Variants in PLXNA4 observed in about 807,000 individuals in gnomAD.
The protein encoded by PLXNA4 is plexin-A4.
In PLXNA4, 44 loss-of-function variants were observed where a neutral mutation model predicts 191.8. The ratio of observed to expected loss-of-function variants is 0.23; its 90% confidence interval spans 0.18 to 0.29. The LOEUF (loss-of-function observed/expected upper bound fraction) is 0.29. Among genes scored for constraint, PLXNA4 ranks in the 10% least tolerant of loss-of-function variants. The probability of loss-of-function intolerance (pLI) is 1.00; values close to 1 mark genes in which losing one functional copy is unlikely to be tolerated. For synonymous variants in PLXNA4, 1,082 were observed against 1,009.5 expected, an observed-to-expected ratio of 1.07 and a Z score of -1.36; for missense variants, 1,800 against 2,488.8, an observed-to-expected ratio of 0.72 and a Z score of 5.89.
chr7:132,630,939 A>T (rs1803480562), intron 2 of PLXNA4, among the ~76,000 whole-genome samples: 1 of 152,092 alleles, frequency 6.6e-6, no homozygotes, highest in African/African-American at 2.4e-5. Flanking sequence ...CTTTATTATG[A>T]CTCTCCCTAA....
chr7:132,400,152 T>C (rs1793928351), intron 3 of PLXNA4, among the ~76,000 whole-genome samples: 1 of 152,170 alleles, frequency 6.6e-6, no homozygotes, highest in Non-Finnish European at 1.5e-5. Flanking sequence ...TCTGTGTATT[T>C]GTTACCTTTG....
chr7:132,233,817 T>G (rs761273626), intron 5 of PLXNA4, among the ~76,000 whole-genome samples: 3 of 152,222 alleles, frequency 2.0e-5, no homozygotes, highest in Non-Finnish European at 4.4e-5. Flanking sequence ...CCTGACTGGA[T>G]TCTGACCTTG....
rs184874530 is a variant in PLXNA4 at position 132,423,330 on chromosome 7, G to C, written c.1371+65962C>G. On this transcript the variant is annotated intron_variant, in intron 3 of 31. Coordinates refer to ENST00000321063, the MANE Select transcript of PLXNA4 (RefSeq NM_020911.2). The stretch of plus-strand genomic sequence containing the variant: ...AACCTGCCAAAGCTTACGTAGTGAA[G>C]GGACGCTCCCAAGTCCACTCAGCTG... 3.8e-4 allele frequency among the ~76,000 whole-genome samples: 58 copies of C among 152,324 alleles called. No homozygotes were observed. In the East Asian group the frequency reaches 0.011, roughly 29 times the overall value.
At chr7:132,251,823 G>C (rs1338165659) in intron 4 of PLXNA4, among the ~76,000 whole-genome samples, 1 of 152,174 alleles carries the variant, frequency 6.6e-6, no homozygotes, top group East Asian at 1.9e-4. Context: ...ATCTTTCCTC[G>C]CAGGCAACCA....
chr7:132,444,725 G>A (rs757176232), intron 3 of PLXNA4, among the ~76,000 whole-genome samples: 36 of 152,096 alleles, frequency 2.4e-4, no homozygotes, highest in Non-Finnish European at 4.0e-4. Flanking sequence ...GCCAACCTGT[G>A]GGTGTGCAAC....
chr7:132,262,516 A>C (rs1799684459), intron 4 of PLXNA4, among the ~76,000 whole-genome samples: 1 of 152,114 alleles, frequency 6.6e-6, no homozygotes, highest in Non-Finnish European at 1.5e-5. Flanking sequence ...AGGTGGTCCC[A>C]TGGCTGCAGG....
chr7:132,444,389 G>T (rs778071242), intron 3 of PLXNA4, among the ~76,000 whole-genome samples: 13 of 152,196 alleles, frequency 8.5e-5, no homozygotes, highest in Admixed American at 2.0e-4. Flanking sequence ...CGAGTAGCTG[G>T]GATGACAGGC....
rs936445895 is a variant in PLXNA4 at position 132,133,207 on chromosome 7, G to T, written c.5439-8C>A. ...CCTATGTCTGAGTAATACCTGTGGA[G>T]GGATGGAAATAGGGAGAAGCTGAAG... On this transcript the variant is annotated splice_region_variant and splice_polypyrimidine_tract_variant and intron_variant, in intron 30 of 31. Coordinates refer to ENST00000321063, the MANE Select transcript of PLXNA4 (RefSeq NM_020911.2). The T allele has an allele frequency of 2.5e-6, 4 of 1,613,736 alleles. No individual in the cohort carries two copies. The highest frequency in any genetic ancestry group is 2.5e-6 in the Non-Finnish European group (3 of 1,179,902).
At chr7:132,538,398 C>T (rs898039574) in intron 1 of PLXNA4, among the ~76,000 whole-genome samples, 3 of 152,200 alleles carry the variant, frequency 2.0e-5, no homozygotes, top group African/African-American at 7.2e-5. Flanking sequence ...TGCTTCCAGG[C>T]AAGGTGAATG....
At chr7:132,525,772 C>T (rs1799376692) in intron 1 of PLXNA4, among the ~76,000 whole-genome samples, 1 of 152,154 alleles carries the variant, frequency 6.6e-6, no homozygotes, top group Admixed American at 6.5e-5. Flanking sequence ...CCAGTCCCTC[C>T]CAAGGCTCTG....
At chr7:132,294,636 G>A (rs971046080) in intron 4 of PLXNA4, among the ~76,000 whole-genome samples, 3 of 152,148 alleles carry the variant, frequency 2.0e-5, no homozygotes, top group African/African-American at 7.2e-5. Context: ...GAAGTGGTGG[G>A]AAATAGCCAT....
At chr7:132,341,402 A>G (rs561066196) in intron 3 of PLXNA4, among the ~76,000 whole-genome samples, 1 of 152,218 alleles carries the variant, frequency 6.6e-6, no homozygotes, top group Non-Finnish European at 1.5e-5. Flanking sequence ...GAAGCATTCA[A>G]TTTCAGAGAT....
At chr7:132,204,930 A>G (rs960864551) in intron 10 of PLXNA4, among the ~76,000 whole-genome samples, 21 of 152,290 alleles carry the variant, frequency 1.4e-4, no homozygotes, top group African/African-American at 4.3e-4. Context: ...CTGCCCTAGC[A>G]TCCAGAGTTC....
At chr7:132,203,867 T>C (rs1797525552) in intron 10 of PLXNA4, among the ~76,000 whole-genome samples, 1 of 152,164 alleles carries the variant, frequency 6.6e-6, no homozygotes, top group Admixed American at 6.5e-5. Context: ...GGAACTCTAA[T>C]TTCCAGGAAA....
At chr7:132,625,025 C>T (rs1355513239) in intron 2 of PLXNA4, among the ~76,000 whole-genome samples, 1 of 152,138 alleles carries the variant, frequency 6.6e-6, no homozygotes, top group Non-Finnish European at 1.5e-5. Context: ...TTTTCACCCA[C>T]AGGACTCTGA....
intron 1 of PLXNA4, among the ~76,000 whole-genome samples, chr7:132,539,807 T>C (rs1799991879): frequency 6.6e-6 from 1 of 152,214 alleles, no homozygotes; most frequent in Non-Finnish European, 1.5e-5. Flanking sequence ...TCTTCCACGA[T>C]CACTAGGCAA....
rs773198475 is a variant in PLXNA4, at chr7:132,180,620, T to G, written c.3605A>C (p.Glu1202Ala). Residue 1202 changes from glutamate to alanine, a missense_variant, in exon 19 of 32, where the codon GAG (glutamate) becomes GCG (alanine). By Grantham distance (107) the Glu-to-Ala change is moderately radical. Transcript: ENST00000321063. ...GTGCCTGCCGATGAGGTTGGGGGAC[T>G]CGCAGAGCAGCTGGACATCTGACAC... ...VTVSDVQLLC[E>A]SPNLIGRHKV... is the part of the protein sequence containing the mutation. 6.2e-7 allele frequency: 1 copy of G among 1,614,196 alleles called. No individual in the cohort carries two copies. The highest frequency in any genetic ancestry group is 8.5e-7 in the Non-Finnish European group (1 of 1,180,038).
intron 20 of PLXNA4, among the ~76,000 whole-genome samples, chr7:132,176,055 A>G (rs1156340512): frequency 2.0e-5 from 3 of 152,176 alleles, no homozygotes; most frequent in Non-Finnish European, 2.9e-5. Context: ...CACCCTAGGA[A>G]CTGTCTGCAG....
At chr7:132,177,953 C>T (rs1349992590) in intron 20 of PLXNA4, among the ~76,000 whole-genome samples, 4 of 152,076 alleles carry the variant, frequency 2.6e-5, no homozygotes, top group Non-Finnish European at 4.4e-5. Context: ...GGTATGGGGC[C>T]GGATTTACTC....
Sources: allele counts gnomAD v4.1 joint callset (sites outside exome capture counted in the v4.1 genomes callset), GRCh38; gene constraint gnomAD v4.1.1; transcripts MANE v1.5; gene names NCBI Gene and HGNC (gene_info 2026-07-23, HGNC 2026-07-21).